Variants in DENND1B observed in about 807,000 individuals in gnomAD.
DENND1B encodes the protein DENN domain containing 1B, also known as DENN domain-containing protein 1B.
DENND1B carries 59 observed loss-of-function variants against 90.1 expected under a neutral mutation model. The observed-to-expected ratio is 0.65, with a 90% confidence interval of 0.53 to 0.81. The LOEUF (loss-of-function observed/expected upper bound fraction) is 0.81, where lower values mean the gene tolerates loss of function less well. Among genes scored for constraint, DENND1B ranks in the 40% least tolerant of loss-of-function variants. DENND1B has a pLI of 0.00. For missense variants in DENND1B, 862 were observed against 912.6 expected (o/e 0.94, Z 0.71); for synonymous variants, 337 against 324.6 (o/e 1.04, Z -0.41).
At chr1:197,729,511 C>T (rs560371734) in intron 2 of DENND1B, among the ~76,000 whole-genome samples, 2 of 152,134 alleles carry the variant, frequency 1.3e-5, no homozygotes, top group South Asian at 2.1e-4. Context: ...AAGTGATCTG[C>T]CCTTATTTTC....
At chr1:197,548,866 G>T (rs567767185) in intron 16 of DENND1B, among the ~76,000 whole-genome samples, 73 of 152,150 alleles carry the variant, frequency 4.8e-4, no homozygotes, top group African/African-American at 1.7e-3. Flanking sequence ...CAAAGAAGAA[G>T]TCCCTTGCTT....
chr1:197,548,206 T>C (rs554011015), intron 16 of DENND1B, among the ~76,000 whole-genome samples: 1 of 152,214 alleles, frequency 6.6e-6, no homozygotes, highest in Non-Finnish European at 1.5e-5. Context: ...TTCAGCTCTG[T>C]ACAAGTCATC....
chr1:197,708,074 C>T (rs1659789960), intron 3 of DENND1B, among the ~76,000 whole-genome samples: 1 of 141,852 alleles, frequency 7.0e-6, no homozygotes, highest in African/African-American at 2.6e-5. Flanking sequence ...CTCAGAGGGT[C>T]CTACGCCCAC....
chr1:197,715,917 T>C (rs770702982), intron 2 of DENND1B, among the ~76,000 whole-genome samples: 7 of 151,480 alleles, frequency 4.6e-5, no homozygotes, highest in Non-Finnish European at 5.9e-5. Context: ...GGATAGTGTA[T>C]AATGGATTAT....
At chr1:197,664,632 T>C (rs182755395) in intron 5 of DENND1B, among the ~76,000 whole-genome samples, 1 of 152,254 alleles carries the variant, frequency 6.6e-6, no homozygotes, top group East Asian at 1.9e-4. Context: ...TTTTGTCAAA[T>C]AGTCAGGTAA....
chr1:197,613,090 C>T (rs897893988), intron 11 of DENND1B, among the ~76,000 whole-genome samples: 1 of 150,670 alleles, frequency 6.6e-6, no homozygotes, highest in Non-Finnish European at 1.5e-5. Context: ...AACAGATAAT[C>T]CTCTTTCTCA....
Position 197,658,357 on chromosome 1 carries a change from C to A in DENND1B, c.309G>T (p.Trp103Cys). 1 of 1,601,098 alleles carries A rather than the reference C, an allele frequency of 6.2e-7. No homozygotes were observed. The highest frequency in any genetic ancestry group is 8.5e-7 in the Non-Finnish European group (1 of 1,171,276). Residue 103 changes from tryptophan to cysteine, a missense_variant, in exon 6 of 23, where the codon TGG becomes TGT. Transcript: ENST00000620048. ...ICLCILSYLP[W>C]FEVYYKLLNT... ...TTAGAAGCTTGTAATACACTTCAAA[C>A]CAGGGAAGGTAACTGTAAAATAATT...
intron 16 of DENND1B, chr1:197,552,719 G>A: frequency 6.1e-6 from 7 of 1,142,474 alleles, no homozygotes; most frequent in Non-Finnish European, 7.5e-6. Flanking sequence ...CTACTATTCA[G>A]AAGGAAAGAC....
intron 10 of DENND1B, among the ~76,000 whole-genome samples, chr1:197,621,634 T>G (rs1350470760): frequency 6.6e-6 from 1 of 151,368 alleles, no homozygotes; most frequent in Non-Finnish European, 1.5e-5. Context: ...CCAAGTATCA[T>G]ATGTCTGATT....
chr1:197,545,843 TC>T (rs1193025568), intron 18 of DENND1B, 78 bp downstream of exon 18: 2 of 1,218,328 alleles, frequency 1.6e-6, no homozygotes, highest in Admixed American at 2.5e-5. Flanking sequence ...TAGAAAATAT[TC>T]AGAATTTATA....
intron 2 of DENND1B, among the ~76,000 whole-genome samples, chr1:197,722,589 T>G (rs932541515): frequency 4.6e-5 from 7 of 152,140 alleles, no homozygotes; most frequent in African/African-American, 1.7e-4. Context: ...GAACAATACT[T>G]GGAAATTTGT....
At chr1:197,689,122 A>C (rs1657579591) in intron 3 of DENND1B, 1 of 161,982 alleles carries the variant, frequency 6.2e-6, no homozygotes. Flanking sequence ...ATAAAGACAT[A>C]CCTGAGACTG....
At chr1:197,689,849 A>G (rs1172814269) in intron 3 of DENND1B, 1 of 152,746 alleles carries the variant, frequency 6.5e-6, no homozygotes, top group African/African-American at 2.4e-5. Flanking sequence ...CAATGTTAGA[A>G]TGGTGACAAT....
chr1:197,708,349 C>CA (rs1659833950), intron 3 of DENND1B, among the ~76,000 whole-genome samples: 1 of 4,452 alleles, frequency 2.2e-4, no homozygotes, highest in African/African-American at 1.1e-3. Context: ...TTGAAGAGAG[C>CA]AGTGGTTCTC....
At chr1:197,609,086 A>T (rs1179646245) in intron 12 of DENND1B, among the ~76,000 whole-genome samples, 3 of 150,316 alleles carry the variant, frequency 2.0e-5, no homozygotes, top group Non-Finnish European at 4.5e-5. Flanking sequence ...TGTGGTATAT[A>T]AAATGGTACC....
At chr1:197,649,008 A>T (rs990604841) in intron 7 of DENND1B, among the ~76,000 whole-genome samples, 1 of 152,192 alleles carries the variant, frequency 6.6e-6, no homozygotes, top group African/African-American at 2.4e-5. Context: ...TGCAAACATA[A>T]AGCAGCAGAG....
intron 20 of DENND1B, among the ~76,000 whole-genome samples, chr1:197,534,380 T>A (rs1266292176): frequency 6.6e-6 from 1 of 152,170 alleles, no homozygotes; most frequent in Non-Finnish European, 1.5e-5. Context: ...TGAAGAAAAC[T>A]AAATTTCTGT....
chr1:197,534,551 T>C (rs767824463), intron 20 of DENND1B, among the ~76,000 whole-genome samples: 3 of 152,216 alleles, frequency 2.0e-5, no homozygotes, highest in South Asian at 2.1e-4. Flanking sequence ...TTGCGGATTA[T>C]GAATCATGTA....
In DENND1B at chr1:197,506,602, A is replaced by G. The variant is rs1189124253; in HGVS notation, c.*3858T>C. ...AGAATGAAGGTCTATTGATTATGAG[A>G]CATTCACAGTGTTCTCCTCTTGATC... is the stretch of plus-strand genomic sequence containing the variant. On this transcript the variant is annotated 3_prime_UTR_variant, in exon 23 of 23. Transcript: ENST00000620048. 1 of 151,488 alleles carries G rather than the reference A, an allele frequency of 6.6e-6. No homozygotes were observed. The highest frequency in any genetic ancestry group is 1.9e-4 in the East Asian group (1 of 5,152). The allele number at this position is 151,488 out of a possible 1,614,324, so 9.4% of individuals were successfully genotyped here. A position where few individuals can be genotyped will look rare whatever the true frequency, so the allele number is the denominator to read the frequency against.
Sources: gnomAD v4.1 joint callset for allele counts (sites outside exome capture counted in the v4.1 genomes callset) on GRCh38, gnomAD v4.1.1 for gene constraint, MANE v1.5 for transcripts, NCBI Gene and HGNC (gene_info 2026-07-23, HGNC 2026-07-21) for gene names.